Variants in MYT1L observed in about 807,000 individuals in gnomAD.
MYT1L encodes myelin transcription factor 1 like, also known as myelin transcription factor 1-like protein.
MYT1L carries 12 observed loss-of-function variants against 126.7 expected under a neutral mutation model. The ratio of observed to expected loss-of-function variants is 0.09; its 90% confidence interval spans 0.06 to 0.15. MYT1L has a LOEUF of 0.15. Among genes scored for constraint, MYT1L ranks in the 10% least tolerant of loss-of-function variants. MYT1L has a pLI of 1.00. For missense variants in MYT1L, 979 were observed against 1,585.2 expected (o/e 0.62, Z 6.49); for synonymous variants, 541 against 604.2 (o/e 0.90, Z 1.53).
At position 2,136,545 on chromosome 2, in the gene MYT1L, C is replaced by T. The variant is rs140130980; in HGVS notation, c.-304+36327G>A. 3.4e-4 allele frequency among the ~76,000 whole-genome samples: 52 copies of T among 152,302 alleles called. No individual in the cohort carries two copies. The East Asian group carries it at 8.9e-3, about 26-fold the overall frequency. ...GGAGGGAGCAAGTCAATCATGGACA[C>T]GTCCCAGCCTGTTAGCAGAGCTCAA... On this transcript the variant is annotated intron_variant, in intron 3 of 24. Transcript: ENST00000647738.
chr2:1,825,367 T>C (rs1176874129), intron 21 of MYT1L: 1 of 152,202 alleles, frequency 6.6e-6, no homozygotes, highest in African/African-American at 2.4e-5. Flanking sequence ...AGACAGAAAT[T>C]AGTTCAGTTA....
intron 2 of MYT1L, among the ~76,000 whole-genome samples, chr2:2,221,289 G>A (rs905249888): frequency 1.7e-4 from 26 of 152,102 alleles, no homozygotes; most frequent in African/African-American, 9.7e-5. Context: ...CTTGGAGGGC[G>A]GACTGGGAAC....
At chr2:2,272,901 C>T (rs1292749077) in intron 2 of MYT1L, among the ~76,000 whole-genome samples, 1 of 152,176 alleles carries the variant, frequency 6.6e-6, no homozygotes, top group Admixed American at 6.5e-5. Flanking sequence ...GTCCAGGTGT[C>T]TCCCATCTCC....
chr2:1,982,844 T>A (rs2060709956), intron 5 of MYT1L, among the ~76,000 whole-genome samples: 1 of 152,166 alleles, frequency 6.6e-6, no homozygotes, highest in Admixed American at 6.5e-5. Context: ...ATTTATGATT[T>A]CTCTTGCTGT....
chr2:2,293,232 C>A (rs2095624784), intron 1 of MYT1L, among the ~76,000 whole-genome samples: 1 of 152,048 alleles, frequency 6.6e-6, no homozygotes, highest in South Asian at 2.1e-4. Flanking sequence ...ATCCAAAGGG[C>A]TGAGGGATAA....
intron 9 of MYT1L, among the ~76,000 whole-genome samples, chr2:1,936,675 C>CT (rs1450533928): frequency 1.3e-5 from 2 of 152,202 alleles, no homozygotes; most frequent in African/African-American, 4.8e-5. Flanking sequence ...TTTTCACAGT[C>CT]TGTCTGCGTT....
intron 4 of MYT1L, among the ~76,000 whole-genome samples, chr2:2,014,591 C>T (rs1445124844): frequency 6.6e-6 from 1 of 152,232 alleles, no homozygotes; most frequent in Non-Finnish European, 1.5e-5. Flanking sequence ...GGAGCTCCAG[C>T]ATCTGTGTCT....
intron 2 of MYT1L, among the ~76,000 whole-genome samples, chr2:2,177,942 C>T (rs1263957685): frequency 6.6e-6 from 1 of 152,016 alleles, no homozygotes; most frequent in African/African-American, 2.4e-5. Flanking sequence ...GGACACAGAC[C>T]CAGTGGATAG....
chr2:2,270,858 C>A (rs1464315087), intron 2 of MYT1L, among the ~76,000 whole-genome samples: 1 of 151,856 alleles, frequency 6.6e-6, no homozygotes, highest in Non-Finnish European at 1.5e-5. Context: ...GCCGGGCATC[C>A]TGCTCATCAT....
chr2:2,004,781 G>GGCGTTCTTTCCT (rs1558703000), intron 4 of MYT1L, among the ~76,000 whole-genome samples: 9 of 126,112 alleles, frequency 7.1e-5, no homozygotes, highest in South Asian at 2.7e-4. Context: ...CTTTCCTGCA[G>GGCGTTCTTTCCT]GCATTCTTTC....
chr2:2,101,600 C>T (rs911453274), intron 3 of MYT1L, among the ~76,000 whole-genome samples: 5 of 151,660 alleles, frequency 3.3e-5, no homozygotes, highest in African/African-American at 7.3e-5. Flanking sequence ...CATCCAACCA[C>T]GCACCCTTCT....
At chr2:2,299,832 G>T (rs1288647443) in intron 1 of MYT1L, among the ~76,000 whole-genome samples, 1 of 152,096 alleles carries the variant, frequency 6.6e-6, no homozygotes, top group Non-Finnish European at 1.5e-5. Context: ...CTTTTTCCAT[G>T]TCATCATAAT....
At chr2:2,135,081 G>C (rs561717097) in intron 3 of MYT1L, among the ~76,000 whole-genome samples, 10 of 152,268 alleles carry the variant, frequency 6.6e-5, no homozygotes, top group African/African-American at 2.4e-4. Flanking sequence ...CACTGGTGCA[G>C]AATTTCTGAG....
At chr2:2,198,066 G>A (rs968977074) in intron 2 of MYT1L, among the ~76,000 whole-genome samples, 4 of 151,556 alleles carry the variant, frequency 2.6e-5, no homozygotes, top group Non-Finnish European at 5.9e-5. Context: ...GTACACAATG[G>A]AACACTACCC....
chr2:2,197,433 G>T (rs1181367610), intron 2 of MYT1L, among the ~76,000 whole-genome samples: 1 of 152,140 alleles, frequency 6.6e-6, no homozygotes, highest in Non-Finnish European at 1.5e-5. Context: ...CCCAACCACA[G>T]ATGAGCGCAT....
At chr2:2,268,547 A>G (rs2095190389) in intron 2 of MYT1L, among the ~76,000 whole-genome samples, 1 of 152,230 alleles carries the variant, frequency 6.6e-6, no homozygotes, top group Non-Finnish European at 1.5e-5. Flanking sequence ...AACATTAAAC[A>G]ATCAGAAAAA....
intron 8 of MYT1L, among the ~76,000 whole-genome samples, chr2:1,969,388 A>T (rs1185201872): frequency 6.6e-6 from 1 of 152,242 alleles, no homozygotes; most frequent in Non-Finnish European, 1.5e-5. Context: ...TTATCTAAAA[A>T]TGCTGTCTCA....
At chr2:2,054,979 A>T (rs1156678666) in intron 3 of MYT1L, among the ~76,000 whole-genome samples, 1 of 152,224 alleles carries the variant, frequency 6.6e-6, no homozygotes, top group African/African-American at 2.4e-5. Flanking sequence ...AGAGATGATG[A>T]GATGCATGGA....
intron 8 of MYT1L, among the ~76,000 whole-genome samples, chr2:1,950,840 C>CTGTGG (rs1421469769): frequency 6.6e-6 from 1 of 152,138 alleles, no homozygotes; most frequent in African/African-American, 2.4e-5. Flanking sequence ...AAAACCATCA[C>CTGTGG]TGTGGCTGTG....
Sources: gnomAD v4.1 joint callset for allele counts (sites outside exome capture counted in the v4.1 genomes callset) on GRCh38, gnomAD v4.1.1 for gene constraint, MANE v1.5 for transcripts, NCBI Gene and HGNC (gene_info 2026-07-23, HGNC 2026-07-21) for gene names.